DLGAP1: variants seen among roughly 807,000 people sequenced by gnomAD.
The protein encoded by DLGAP1 is disks large-associated protein 1.
Under a neutral mutation model 90.8 loss-of-function variants are expected in DLGAP1, and 11 were observed. That is an observed-to-expected ratio of 0.12 (90% CI 0.08 to 0.20). The LOEUF is 0.20. Ranked by LOEUF, DLGAP1 falls within the 10% of genes least tolerant of loss-of-function variation. The pLI is 1.00. For missense variants in DLGAP1, 1,050 were observed against 1,333.8 expected, an observed-to-expected ratio of 0.79 and a Z score of 3.31; for synonymous variants, 558 against 540.7, an observed-to-expected ratio of 1.03 and a Z score of -0.44.
At position 3,840,172 on chromosome 18, in the gene DLGAP1, C is replaced by T. The variant is rs921714129; in HGVS notation, c.958-25899G>A. Among the ~76,000 whole-genome samples the T allele has an allele frequency of 7.2e-5, 11 of 152,282 alleles. No individual in the cohort carries two copies. The East Asian group carries it at 2.1e-3, about 29-fold the overall frequency. On this transcript the variant is annotated intron_variant, in intron 4 of 12. Coordinates refer to ENST00000315677, the MANE Select transcript of DLGAP1 (RefSeq NM_004746.4). The stretch of plus-strand genomic sequence containing the variant: ...TTAACATCTTATTCCTCTTTATCAG[C>T]TCATTTGGAGCCATGTTTCATTTCC...
In DLGAP1 at chr18:3,729,444, G is replaced by A; in HGVS notation, c.1351-69C>T. On this transcript the variant is annotated intron_variant, in intron 6 of 12. Transcript: ENST00000315677. This position sits in a 1 kb window ranked among gnomAD's most constrained non-coding sequence, Gnocchi z 6.2. ...GGAGGATCAACCTCTCCAAGCATCTGCGAACTTCAATCCCCAGAAGAAAAA... is the reference window on the plus strand; with the variant it reads ...GGAGGATCAACCTCTCCAAGCATCTACGAACTTCAATCCCCAGAAGAAAAA... 6.5e-6 allele frequency: 10 copies of A among 1,549,936 alleles called. No individual in the cohort carries two copies. Among genetic ancestry groups the A allele is most frequent in the Non-Finnish European group, 8.7e-6 (10 of 1,143,554 alleles).
At chr18:4,169,597 C>T (rs2076990695) in intron 1 of DLGAP1, among the ~76,000 whole-genome samples, 1 of 152,186 alleles carries the variant, frequency 6.6e-6, no homozygotes, top group Admixed American at 6.5e-5. Flanking sequence ...CGATCTCAAC[C>T]ATCATAGGAA....
intron 1 of DLGAP1, among the ~76,000 whole-genome samples, chr18:4,440,045 G>T (rs977622202): frequency 6.1e-5 from 9 of 148,086 alleles, no homozygotes; most frequent in African/African-American, 1.8e-4. Context: ...GCGTGAACCC[G>T]GGAGGCAGAG....
chr18:4,202,354 T>C (rs1199866491), intron 1 of DLGAP1, among the ~76,000 whole-genome samples: 2 of 152,072 alleles, frequency 1.3e-5, no homozygotes, highest in Non-Finnish European at 1.5e-5. Context: ...AGCCTCAGAA[T>C]GAGGAAGGGA....
chr18:4,043,189 TATA>T (rs2075001025), intron 2 of DLGAP1, among the ~76,000 whole-genome samples: 2 of 152,244 alleles, frequency 1.3e-5, no homozygotes, highest in East Asian at 1.9e-4. Context: ...TTGTTGTAAA[TATA>T]ATTTCTATAC....
At chr18:3,629,443 G>A (rs148149772) in intron 7 of DLGAP1, among the ~76,000 whole-genome samples, 2,972 of 152,028 alleles carry the variant, frequency 0.02, 95 homozygotes, top group African/African-American at 0.068. Context: ...AGGCTGAGGC[G>A]GGCGGATCAC....
chr18:3,780,170 A>G (rs1236425741), intron 5 of DLGAP1, among the ~76,000 whole-genome samples: 1 of 152,234 alleles, frequency 6.6e-6, no homozygotes, highest in Non-Finnish European at 1.5e-5. Context: ...GGAAAATGTA[A>G]TAACTGGCAT....
intron 7 of DLGAP1, among the ~76,000 whole-genome samples, chr18:3,600,741 T>TATATAGAG (rs1568277563): frequency 0.13 from 6,522 of 48,898 alleles, 2,755 homozygotes; most frequent in South Asian, 0.17. Context: ...TATATATAGA[T>TATATAGAG]ATATAGATAT....
chr18:4,340,778 C>A (rs1365336470), intron 1 of DLGAP1, among the ~76,000 whole-genome samples: 1 of 152,152 alleles, frequency 6.6e-6, no homozygotes, highest in Non-Finnish European at 1.5e-5. Flanking sequence ...GATATTTGTG[C>A]ATCCACTTTA....
rs546733364 is a variant in DLGAP1 at position 3,568,026 on chromosome 18, A to G, written c.1966-445T>C. Among the ~76,000 whole-genome samples the G allele has an allele frequency of 2.6e-5, 4 of 151,980 alleles. No individual in the cohort carries two copies. In the East Asian group the frequency reaches 7.8e-4, roughly 30 times the overall value. On this transcript the variant is annotated intron_variant, in intron 8 of 12. Coordinates refer to ENST00000315677, the MANE Select transcript of DLGAP1 (RefSeq NM_004746.4). ...GGATTCTCCTGCCTCAGCCTCCCGAATAGCTGAGATTACAGGTGTGTGCCA... is the reference window on the plus strand; with the variant it reads ...GGATTCTCCTGCCTCAGCCTCCCGAGTAGCTGAGATTACAGGTGTGTGCCA...
intron 7 of DLGAP1, among the ~76,000 whole-genome samples, chr18:3,669,498 CAGA>C (rs2060003768): frequency 6.6e-6 from 1 of 152,186 alleles, no homozygotes; most frequent in Non-Finnish European, 1.5e-5. Context: ...AACACATCGG[CAGA>C]AGAAGACACG....
chr18:3,578,009 C>A (rs1025549319), intron 8 of DLGAP1, among the ~76,000 whole-genome samples: 17 of 152,126 alleles, frequency 1.1e-4, no homozygotes, highest in Non-Finnish European at 2.1e-4. Flanking sequence ...AACACTTATG[C>A]CTGGCACTGT....
chr18:3,987,534 G>A (rs1030780221), intron 3 of DLGAP1, among the ~76,000 whole-genome samples: 5 of 152,056 alleles, frequency 3.3e-5, no homozygotes, highest in Non-Finnish European at 5.9e-5. Context: ...AGTGCTTTGC[G>A]TATTCGAACT....
At position 4,423,139 on chromosome 18, in the gene DLGAP1, A is replaced by G. The variant is rs796630321; in HGVS notation, c.-267+31867T>C. On this transcript the variant is annotated intron_variant, in intron 1 of 12. Transcript: ENST00000315677. The stretch of plus-strand genomic sequence containing the variant: ...ATTCCCATGAAATTGTTATTTCACT[A>G]TCATTAAATGGGATCTACCAATTCT... Among the ~76,000 whole-genome samples, 5 of 152,182 alleles carry G rather than the reference A, an allele frequency of 3.3e-5. No individual in the cohort carries two copies. The South Asian group carries it at 6.2e-4, about 19-fold the overall frequency.
At chr18:4,428,924 G>A (rs1440358624) in intron 1 of DLGAP1, among the ~76,000 whole-genome samples, 2 of 152,130 alleles carry the variant, frequency 1.3e-5, no homozygotes, top group Non-Finnish European at 2.9e-5. Flanking sequence ...AGATCCCATG[G>A]GGGCAGAAAA....
At chr18:4,029,810 C>A (rs1019037614) in intron 2 of DLGAP1, among the ~76,000 whole-genome samples, 29 of 152,058 alleles carry the variant, frequency 1.9e-4, no homozygotes, top group Non-Finnish European at 8.8e-5. Flanking sequence ...TCAGGGTTTT[C>A]CTCATTTATC....
chr18:3,499,922 T>C lies in DLGAP1; in HGVS notation c.2725-528A>G, dbSNP rs914873809. 1.1e-4 allele frequency among the ~76,000 whole-genome samples: 16 copies of C among 152,190 alleles called. No individual in the cohort carries two copies. Among genetic ancestry groups the C allele is most frequent in the African/African-American group, 3.6e-4 (15 of 41,438 alleles). ...ATAAACAGAGGAGGAAGAAGAGATA[T>C]CAGATTGTGTTCTTTAGCTTTGTTG... On this transcript the variant is annotated intron_variant, in intron 12 of 12. Transcript: ENST00000315677. The surrounding 1 kb of genome is among the most constrained non-coding windows in gnomAD (Gnocchi z 6.4).
At chr18:3,733,649 T>C (rs1424230038) in intron 6 of DLGAP1, among the ~76,000 whole-genome samples, 1 of 152,200 alleles carries the variant, frequency 6.6e-6, no homozygotes, top group Non-Finnish European at 1.5e-5. Context: ...GGAGCATCTG[T>C]AGTTCTTATG....
chr18:3,895,493 C>T (rs150632153), intron 3 of DLGAP1, among the ~76,000 whole-genome samples: 2 of 152,160 alleles, frequency 1.3e-5, no homozygotes, highest in Non-Finnish European at 2.9e-5. Context: ...TTCTCAAACT[C>T]GAGTTTGCAT....
Sources: gnomAD v4.1 joint callset for allele counts (sites outside exome capture counted in the v4.1 genomes callset) on GRCh38, gnomAD v4.1.1 for gene constraint, Gnocchi (gnomAD v3.1) non-coding constraint, MANE v1.5 for transcripts, NCBI Gene and HGNC (gene_info 2026-07-23, HGNC 2026-07-21) for gene names.